The following GOLGA5 variants were observed in gnomAD, a reference collection of about 807,000 sequenced individuals.
GOLGA5 encodes golgin subfamily A member 5.
In GOLGA5, 50 loss-of-function variants were observed where a neutral mutation model predicts 93.5. The observed-to-expected ratio is 0.53, with a 90% CI of 0.43 to 0.68. GOLGA5 has a LOEUF of 0.68. Among genes scored for constraint, GOLGA5 ranks in the 30% least tolerant of loss-of-function variants. The probability of loss-of-function intolerance (pLI) is 0.00; values close to 1 mark genes in which losing one functional copy is unlikely to be tolerated. For synonymous variants in GOLGA5, 312 were observed against 304.5 expected (o/e 1.02, Z -0.26); for missense variants, 760 against 856.4 (o/e 0.89, Z 1.40).
chr14:92,824,538 C>T lies in GOLGA5; in HGVS notation c.1621-8C>T. 1 of 1,495,928 alleles carries T rather than the reference C, an allele frequency of 6.7e-7. No homozygotes were observed. The highest frequency in any genetic ancestry group is 1.4e-5 in the African/African-American group (1 of 72,240). The allele number at this position is 1,495,928 out of a possible 1,614,324, so 92.7% of individuals were successfully genotyped here. On this transcript the variant is annotated splice_region_variant and splice_polypyrimidine_tract_variant and intron_variant, in intron 8 of 12. Coordinates refer to ENST00000163416, the MANE Select transcript of GOLGA5 (RefSeq NM_005113.4). Reference sequence around the variant, plus strand: ...TCGCTTCTGTTTTGTTTGTGCCTCACTTTGCAGGAGTTCCACTATATAGAA... The same window carrying T: ...TCGCTTCTGTTTTGTTTGTGCCTCATTTTGCAGGAGTTCCACTATATAGAA...
chr14:92,834,184 C>T (rs890967315), intron 10 of GOLGA5, among the ~76,000 whole-genome samples: 6 of 135,118 alleles, frequency 4.4e-5, no homozygotes, highest in South Asian at 2.4e-4. Context: ...TAGGTTTCAC[C>T]TTTTTTTTTT....
At chr14:92,836,926 G>A (rs1437565025) in intron 11 of GOLGA5, among the ~76,000 whole-genome samples, 1 of 152,010 alleles carries the variant, frequency 6.6e-6, no homozygotes, top group Non-Finnish European at 1.5e-5. Context: ...AATTAGCCAG[G>A]CGTGGTGGTA....
chr14:92,811,667 G>A lies in GOLGA5; in HGVS notation c.1233G>A (p.Gln411=), dbSNP rs1328349803. 1.2e-6 allele frequency: 2 copies of A among 1,612,518 alleles called. No homozygotes were observed. The highest frequency in any genetic ancestry group is 1.1e-5 in the South Asian group (1 of 90,900). Residue 411 remains glutamine (Q), a synonymous_variant, in exon 6 of 13, where the codon CAG becomes CAA. Transcript: ENST00000163416. ...AGAAGAAGAGGGTTGATGAACTGCAGCAGCAAGTCAAGCTGTATAAGTTGA... is the reference window on the plus strand; with the variant it reads ...AGAAGAAGAGGGTTGATGAACTGCAACAGCAAGTCAAGCTGTATAAGTTGA... ...SDEKKRVDEL[Q]QQVKLYKLNL...
At chr14:92,808,272 C>T (rs953495335) in intron 3 of GOLGA5, among the ~76,000 whole-genome samples, 1 of 151,864 alleles carries the variant, frequency 6.6e-6, no homozygotes, top group Non-Finnish European at 1.5e-5. Flanking sequence ...ACAACAAAAA[C>T]AAAGTACTCA....
intron 3 of GOLGA5, 60 bp from the exon 4 acceptor site, chr14:92,809,240 G>T: frequency 4.4e-6 from 5 of 1,142,086 alleles, no homozygotes; most frequent in Non-Finnish European, 6.5e-6. Flanking sequence ...GAAACTGTAC[G>T]TGCTCTGAGA....
intron 6 of GOLGA5, among the ~76,000 whole-genome samples, chr14:92,815,253 T>TA (rs1885178711): frequency 6.6e-6 from 1 of 152,208 alleles, no homozygotes. Flanking sequence ...CTCTGCACTT[T>TA]AAAAAAGTCT....
At chr14:92,827,614 A>C (rs1885449328) in intron 9 of GOLGA5, among the ~76,000 whole-genome samples, 1 of 152,238 alleles carries the variant, frequency 6.6e-6, no homozygotes, top group African/African-American at 2.4e-5. Flanking sequence ...AGGAAGAGTC[A>C]GATGTCTCTC....
intron 7 of GOLGA5, among the ~76,000 whole-genome samples, chr14:92,816,804 C>T (rs1885218182): frequency 6.6e-6 from 1 of 152,234 alleles, no homozygotes; most frequent in Non-Finnish European, 1.5e-5. Context: ...AAGTGATTGT[C>T]CCTCCTCAGC....
chr14:92,836,839 C>T (rs140728089), intron 11 of GOLGA5, among the ~76,000 whole-genome samples: 10,067 of 152,026 alleles, frequency 0.066, 398 homozygotes, highest in Middle Eastern at 0.12. Flanking sequence ...CTGAGGCAGG[C>T]GGATCACCTG....
chr14:92,796,501 C>T (rs1429595910), intron 1 of GOLGA5, among the ~76,000 whole-genome samples: 3 of 152,162 alleles, frequency 2.0e-5, no homozygotes, highest in Non-Finnish European at 4.4e-5. Flanking sequence ...ATTTCCTCCT[C>T]TTAGAAGGAC....
chr14:92,824,647 A>T lies in GOLGA5; in HGVS notation c.1719+3A>T, dbSNP rs760285163. ...AAATTCAAAAACTCAGGAATCAGGT[A>T]TGAATCACTATTCACAACTTGTGAA... On this transcript the variant is annotated splice_donor_region_variant and intron_variant, in intron 9 of 12. Coordinates refer to ENST00000163416, the MANE Select transcript of GOLGA5 (RefSeq NM_005113.4). The T allele has an allele frequency of 6.9e-7, 1 of 1,452,158 alleles. No homozygotes were observed. The highest frequency in any genetic ancestry group is 1.4e-5 in the African/African-American group (1 of 71,364). The allele number at this position is 1,452,158 out of a possible 1,614,324, so 90.0% of individuals were successfully genotyped here.
rs138735001 is a variant in GOLGA5 at position 92,820,603 on chromosome 14, C to T, written c.1620+767C>T. Among the ~76,000 whole-genome samples, 531 of 152,302 alleles carry T rather than the reference C, an allele frequency of 3.5e-3. 3 individuals are homozygous for T. Among genetic ancestry groups the T allele is most frequent in the African/African-American group, 0.012 (512 of 41,554 alleles). Reference sequence around the variant, plus strand: ...GGACGGTCAGGTCTTTCCCATCCCACGAGGCCATATCTCAGGCTATCACAT... The same window carrying T: ...GGACGGTCAGGTCTTTCCCATCCCATGAGGCCATATCTCAGGCTATCACAT... On this transcript the variant is annotated intron_variant, in intron 8 of 12. Transcript: ENST00000163416.
intron 12 of GOLGA5, 90 bp from the exon 13 acceptor site, chr14:92,839,276 T>C (rs1595608187): frequency 2.6e-6 from 2 of 767,394 alleles, no homozygotes; most frequent in Non-Finnish European, 2.3e-6. Context: ...CAGAGGCAGG[T>C]AAGACACAGT....
At chr14:92,831,628 A>G (rs954713521) in intron 9 of GOLGA5, among the ~76,000 whole-genome samples, 1 of 152,184 alleles carries the variant, frequency 6.6e-6, no homozygotes, top group African/African-American at 2.4e-5. Flanking sequence ...TGGGTATTTC[A>G]CTATATAGAT....
chr14:92,798,746 T>C (rs546706201), intron 2 of GOLGA5, among the ~76,000 whole-genome samples: 29 of 152,266 alleles, frequency 1.9e-4, no homozygotes, highest in African/African-American at 5.1e-4. Flanking sequence ...CAAAACTTTG[T>C]CTCTACAAAA....
Position 92,816,432 on chromosome 14 carries a change from T to C in GOLGA5, c.1491+11T>C, listed in dbSNP as rs1885206867. ...AGATCCGAATTACAGGTAAGATTCATGGTGGTTCAGCTTAGTAGACACCAT... is the reference window on the plus strand; with the variant it reads ...AGATCCGAATTACAGGTAAGATTCACGGTGGTTCAGCTTAGTAGACACCAT... On this transcript the variant is annotated intron_variant, in intron 7 of 12. Coordinates refer to ENST00000163416, the MANE Select transcript of GOLGA5 (RefSeq NM_005113.4). The C allele has an allele frequency of 2.5e-6, 4 of 1,612,586 alleles. No homozygotes were observed. Among genetic ancestry groups the C allele is most frequent in the Non-Finnish European group, 3.4e-6 (4 of 1,178,764 alleles).
At chr14:92,825,811 G>GAT (rs1885406474) in intron 9 of GOLGA5, among the ~76,000 whole-genome samples, 1 of 135,336 alleles carries the variant, frequency 7.4e-6, no homozygotes, top group African/African-American at 2.8e-5. Flanking sequence ...AGCTCTCAGT[G>GAT]CACCTCTACA....
intron 11 of GOLGA5, among the ~76,000 whole-genome samples, chr14:92,836,210 A>G (rs576227801): frequency 6.6e-6 from 1 of 152,324 alleles, no homozygotes; most frequent in South Asian, 2.1e-4. Context: ...TAGTTTACAT[A>G]TAGCATTGAT....
intron 8 of GOLGA5, among the ~76,000 whole-genome samples, chr14:92,820,135 G>A (rs1487274370): frequency 2.6e-5 from 4 of 152,180 alleles, no homozygotes; most frequent in Non-Finnish European, 5.9e-5. Flanking sequence ...CACCGGCACC[G>A]GTCTCTGCGT....
Sources: allele counts gnomAD v4.1 joint callset (sites outside exome capture counted in the v4.1 genomes callset), GRCh38; gene constraint gnomAD v4.1.1; transcripts MANE v1.5; gene names NCBI Gene and HGNC (gene_info 2026-07-23, HGNC 2026-07-21).